AFTPH: variants seen among roughly 807,000 people sequenced by gnomAD.
The protein encoded by AFTPH is aftiphilin.
AFTPH carries 7 observed loss-of-function variants against 72.5 expected under a neutral mutation model. The ratio of observed to expected loss-of-function variants is 0.10; its 90% CI spans 0.05 to 0.18. The LOEUF is 0.18. AFTPH is among the 10% of genes least tolerant of loss of function. The pLI is 1.00. For missense variants in AFTPH, 979 were observed against 1,060.5 expected (o/e 0.92, Z 1.07); for synonymous variants, 337 against 370.1 (o/e 0.91, Z 1.03).
intron 6 of AFTPH, among the ~76,000 whole-genome samples, chr2:64,573,322 G>A (rs1165092276): frequency 6.6e-6 from 1 of 151,602 alleles, no homozygotes; most frequent in East Asian, 1.9e-4. Context: ...CCAGGCCTTA[G>A]TCTCTTTATC....
intron 2 of AFTPH, among the ~76,000 whole-genome samples, chr2:64,560,495 C>T (rs1367786567): frequency 6.6e-6 from 1 of 152,090 alleles, no homozygotes; most frequent in African/African-American, 2.4e-5. Context: ...AGCAAATGTA[C>T]CTTTGAAGAT....
intron 4 of AFTPH, 151 bp from the exon 5 acceptor site, chr2:64,569,472 A>T: frequency 1.1e-6 from 1 of 933,026 alleles, no homozygotes; most frequent in East Asian, 2.7e-5. Flanking sequence ...GGACTGGGAG[A>T]TAAAATAACC....
intron 1 of AFTPH, among the ~76,000 whole-genome samples, chr2:64,547,494 A>C (rs960189204): frequency 1.3e-5 from 2 of 152,318 alleles, no homozygotes; most frequent in East Asian, 1.9e-4. Flanking sequence ...AGGTAGTGTC[A>C]GGCTTCACAC....
At chr2:64,555,916 A>T (rs900020994) in intron 2 of AFTPH, among the ~76,000 whole-genome samples, 7 of 151,028 alleles carry the variant, frequency 4.6e-5, no homozygotes, top group Admixed American at 1.3e-4. Context: ...AGAGGATTAG[A>T]TTTATTAGTA....
At chr2:64,526,487 T>C (rs1035736229) in intron 1 of AFTPH, among the ~76,000 whole-genome samples, 2 of 152,200 alleles carry the variant, frequency 1.3e-5, no homozygotes, top group Admixed American at 6.5e-5. Context: ...AAATAAAATG[T>C]TTATATTCTA....
At chr2:64,552,932 T>G (rs779354050) in exon 2 of AFTPH, 1 of 1,614,174 alleles carries the variant, frequency 6.2e-7, no homozygotes, top group South Asian at 1.1e-5. Flanking sequence ...ATATAAATGC[T>G]GTTTCTTGCC....
chr2:64,528,995 G>A (rs1669444811), intron 1 of AFTPH, among the ~76,000 whole-genome samples: 1 of 152,198 alleles, frequency 6.6e-6, no homozygotes, highest in East Asian at 1.9e-4. Context: ...GTAGAGTTAA[G>A]AAGAGATGGT....
intron 6 of AFTPH, among the ~76,000 whole-genome samples, chr2:64,574,327 G>A (rs978403733): frequency 3.1e-4 from 47 of 152,096 alleles, no homozygotes; most frequent in African/African-American, 1.0e-3. Flanking sequence ...CCACTGAAGG[G>A]TTCCAGGGTA....
chr2:64,551,452 A>C lies in AFTPH; in HGVS notation c.-23A>C, dbSNP rs1671044464. The C allele has an allele frequency of 6.3e-7, 1 of 1,588,230 alleles. No homozygotes were observed. ...TTTTTCTTTTTTACAGGTGTAAATTAATTATTTGAAAGCAACTGAACAATG... is the reference window on the plus strand; with the variant it reads ...TTTTTCTTTTTTACAGGTGTAAATTCATTATTTGAAAGCAACTGAACAATG... On this transcript the variant is annotated 5_prime_UTR_variant, in exon 2 of 9. An upstream open reading frame in the 5' UTR loses its in-frame stop. Coordinates refer to ENST00000238856, the Ensembl canonical transcript of AFTPH.
At chr2:64,576,074 T>TACACACACACACACACAC (rs55774717) in intron 6 of AFTPH, among the ~76,000 whole-genome samples, 1 of 127,744 alleles carries the variant, frequency 7.8e-6, no homozygotes, top group South Asian at 2.6e-4. Context: ...TTTGGCATGC[T>TACACACACACACACACAC]ACACACACAC....
exon 1 of AFTPH, chr2:64,524,466 C>T (rs1212067942): frequency 1.5e-5 from 6 of 402,048 alleles, no homozygotes; most frequent in East Asian, 1.4e-4. Flanking sequence ...GGTGGGCGTC[C>T]ATGGTGCTGC....
At chr2:64,573,444 AAAAG>A (rs1219423923) in intron 6 of AFTPH, among the ~76,000 whole-genome samples, 6 of 151,500 alleles carry the variant, frequency 4.0e-5, no homozygotes, top group Non-Finnish European at 7.4e-5. Flanking sequence ...AAAAAAAAAA[AAAAG>A]AAAAGAAAAA....
intron 1 of AFTPH, among the ~76,000 whole-genome samples, chr2:64,544,366 C>T (rs74735120): frequency 0.018 from 2,708 of 152,264 alleles, 70 homozygotes; most frequent in East Asian, 0.11. Flanking sequence ...TTGCTCCCCT[C>T]TAACAGGTCT....
intron 6 of AFTPH, among the ~76,000 whole-genome samples, chr2:64,575,146 T>A (rs749256179): frequency 8.5e-5 from 13 of 152,236 alleles, no homozygotes; most frequent in Non-Finnish European, 1.8e-4. Flanking sequence ...GCTGATTTGA[T>A]CTTACTGTGT....
chr2:64,548,429 A>C (rs1019147547), intron 1 of AFTPH, among the ~76,000 whole-genome samples: 35 of 150,516 alleles, frequency 2.3e-4, no homozygotes, highest in African/African-American at 8.0e-4. Flanking sequence ...AAAAAAAAAA[A>C]AAAAAACTTT....
rs192592084 is a variant in AFTPH, at chr2:64,546,117, T to A, written c.-32-5326T>A. Reference sequence around the variant, plus strand: ...CATGTTGGCCAGGCTGGTCTCAAACTCCTGACCTCAAGTGATCCTCCCACC... The same window carrying A: ...CATGTTGGCCAGGCTGGTCTCAAACACCTGACCTCAAGTGATCCTCCCACC... On this transcript the variant is annotated intron_variant, in intron 1 of 8. Transcript: ENST00000238856. Among the ~76,000 whole-genome samples the A allele has an allele frequency of 5.2e-3, 792 of 151,954 alleles. 7 individuals carry two copies. The highest frequency in any genetic ancestry group is 0.018 in the African/African-American group (743 of 41,412).
At chr2:64,532,104 G>A (rs1185193450) in intron 1 of AFTPH, among the ~76,000 whole-genome samples, 2 of 152,288 alleles carry the variant, frequency 1.3e-5, no homozygotes, top group East Asian at 3.9e-4. Context: ...GGACTTGAGG[G>A]AGGGTGTTAG....
intron 2 of AFTPH, among the ~76,000 whole-genome samples, chr2:64,562,070 C>T (rs1026809921): frequency 1.3e-5 from 2 of 152,240 alleles, no homozygotes; most frequent in Admixed American, 6.5e-5. Context: ...ATGGTACTTA[C>T]CTGAATCTTC....
chr2:64,554,253 A>G (rs1473483117), intron 2 of AFTPH, among the ~76,000 whole-genome samples: 1 of 152,186 alleles, frequency 6.6e-6, no homozygotes, highest in African/African-American at 2.4e-5. Context: ...TTTGACCTAA[A>G]GTAGCCCCTA....
Sources: allele counts gnomAD v4.1 joint callset (sites outside exome capture counted in the v4.1 genomes callset), GRCh38; gene constraint gnomAD v4.1.1; transcripts MANE v1.5; gene names NCBI Gene and HGNC (gene_info 2026-07-23, HGNC 2026-07-21).